The following STIM2 variants were observed in gnomAD, a reference collection of about 807,000 sequenced individuals.
STIM2 encodes stromal interaction molecule 2.
STIM2 carries 31 observed loss-of-function variants against 85.8 expected under a neutral mutation model. The ratio of observed to expected loss-of-function variants is 0.36; its 90% CI spans 0.27 to 0.49. The LOEUF (loss-of-function observed/expected upper bound fraction) is 0.49, where lower values mean the gene tolerates loss of function less well. Among genes scored for constraint, STIM2 ranks in the 20% least tolerant of loss-of-function variants. The pLI is 0.98. For synonymous variants in STIM2, 356 were observed against 331.1 expected (o/e 1.08, Z -0.82); for missense variants, 841 against 927.6 (o/e 0.91, Z 1.21).
At chr4:26,861,581 C>A in intron 1 of STIM2, 1 of 614,708 alleles carries the variant, frequency 1.6e-6, no homozygotes, top group Non-Finnish European at 2.3e-6. Context: ...AGCCTCTCGA[C>A]GGCACTGATT....
At chr4:26,962,522 C>T (rs1041476494) in intron 3 of STIM2, among the ~76,000 whole-genome samples, 35 of 151,240 alleles carry the variant, frequency 2.3e-4, no homozygotes, top group African/African-American at 8.5e-4. Flanking sequence ...GAAGTTGATC[C>T]TGACCTCAAA....
intron 1 of STIM2, among the ~76,000 whole-genome samples, chr4:26,880,682 A>AATATATATGTAAAT (rs1560192606): frequency 4.9e-5 from 7 of 142,598 alleles, no homozygotes; most frequent in African/African-American, 1.6e-4. Context: ...TATATATGTA[A>AATATATATGTAAAT]ATATATATAT....
intron 1 of STIM2, among the ~76,000 whole-genome samples, chr4:26,862,788 A>C (rs1232722086): frequency 6.6e-6 from 1 of 152,196 alleles, no homozygotes; most frequent in Non-Finnish European, 1.5e-5. Context: ...TTTATGCTTG[A>C]ATAGTATTTA....
chr4:27,018,767 A>G (rs1728819108), intron 11 of STIM2, among the ~76,000 whole-genome samples: 1 of 152,230 alleles, frequency 6.6e-6, no homozygotes, highest in South Asian at 2.1e-4. Context: ...CTTGTCATGA[A>G]CAATTTTATA....
Position 26,918,967 on chromosome 4 carries a change from G to A in STIM2, c.152-537G>A, listed in dbSNP as rs569493105. Among the ~76,000 whole-genome samples the A allele has an allele frequency of 3.3e-5, 5 of 152,152 alleles. No individual in the cohort carries two copies. In the South Asian group the frequency reaches 1.0e-3, roughly 32 times the overall value. ...TACGTATTTTGAAAAAAGCTATATG[G>A]GTAGACTCTTGGATTATCTTAAATA... On this transcript the variant is annotated intron_variant, in intron 1 of 11. Coordinates refer to ENST00000467087, the MANE Select transcript of STIM2 (RefSeq NM_020860.4).
intron 1 of STIM2, among the ~76,000 whole-genome samples, chr4:26,877,919 A>G (rs539184706): frequency 1.6e-4 from 24 of 152,308 alleles, no homozygotes; most frequent in Admixed American, 1.2e-3. Context: ...TAGGGCAAGC[A>G]TGGCTCCCTT....
At chr4:26,977,500 G>A (rs1339609947) in intron 3 of STIM2, among the ~76,000 whole-genome samples, 1 of 152,204 alleles carries the variant, frequency 6.6e-6, no homozygotes, top group Non-Finnish European at 1.5e-5. Flanking sequence ...AGGAGTAGAA[G>A]TAGAAGACCT....
chr4:26,995,133 A>C (rs1727906960), intron 3 of STIM2, among the ~76,000 whole-genome samples: 1 of 152,126 alleles, frequency 6.6e-6, no homozygotes, highest in South Asian at 2.1e-4. Flanking sequence ...TCATTCTTAC[A>C]AACTTGTATA....
intron 3 of STIM2, among the ~76,000 whole-genome samples, chr4:26,993,017 AT>A (rs1727819465): frequency 6.6e-6 from 1 of 152,002 alleles, no homozygotes; most frequent in African/African-American, 2.4e-5. Context: ...AAATTGTGGG[AT>A]GACTTTGATG....
chr4:26,877,404 C>T (rs1240066797), intron 1 of STIM2, among the ~76,000 whole-genome samples: 1 of 152,028 alleles, frequency 6.6e-6, no homozygotes, highest in African/African-American at 2.4e-5. Context: ...TTTTCCTTTA[C>T]CTTTTTTAAC....
chr4:26,886,664 AATAG>A (rs1277766505), intron 1 of STIM2, among the ~76,000 whole-genome samples: 3 of 152,138 alleles, frequency 2.0e-5, no homozygotes, highest in African/African-American at 4.8e-5. Context: ...TGGAGAGAGT[AATAG>A]ATAGATCAGA....
intron 2 of STIM2, among the ~76,000 whole-genome samples, chr4:26,951,115 C>T (rs909130377): frequency 1.3e-5 from 2 of 152,016 alleles, no homozygotes; most frequent in Non-Finnish European, 2.9e-5. Context: ...ATGTTTATTA[C>T]TGGTGGGCAG....
intron 2 of STIM2, among the ~76,000 whole-genome samples, chr4:26,955,684 A>AT (rs1374831269): frequency 2.0e-5 from 3 of 148,266 alleles, no homozygotes; most frequent in African/African-American, 5.1e-5. Context: ...GATTACATAG[A>AT]TTTTTTTAGT....
At chr4:26,909,363 A>G (rs1480063507) in intron 1 of STIM2, among the ~76,000 whole-genome samples, 1 of 152,232 alleles carries the variant, frequency 6.6e-6, no homozygotes, top group Non-Finnish European at 1.5e-5. Context: ...TGAGGAAATT[A>G]AGGCAAAGTA....
rs71643700 is a variant in STIM2, at chr4:26,891,558, TACACACACACAC to T, written c.152-27917_152-27906del. Among the ~76,000 whole-genome samples, 1,040 of 144,636 alleles carry T rather than the reference TACACACACACAC, an allele frequency of 7.2e-3. 8 individuals carry two copies. Among genetic ancestry groups the T allele is most frequent in the East Asian group, 0.032 (159 of 5,008 alleles). The allele number at this position is 144,636 out of a possible 152,430, so 94.9% of individuals were successfully genotyped here. A position where few individuals can be genotyped will look rare whatever the true frequency, so the allele number is the denominator to read the frequency against. On this transcript the variant is annotated intron_variant, in intron 1 of 11. Transcript: ENST00000467087. The stretch of plus-strand genomic sequence containing the variant: ...ATATAAAGATATGTGTATACATACA[TACACACACACAC>T]ACACACACACACACACACACACACA...
At chr4:26,873,689 CT>C (rs1428093230) in intron 1 of STIM2, 10 of 779,724 alleles carry the variant, frequency 1.3e-5, no homozygotes, top group Non-Finnish European at 2.0e-5. Context: ...GCCATAATGG[CT>C]TCATCCAGCT....
At chr4:27,018,837 C>A (rs1330899730) in intron 11 of STIM2, among the ~76,000 whole-genome samples, 2 of 152,180 alleles carry the variant, frequency 1.3e-5, no homozygotes, top group African/African-American at 4.8e-5. Flanking sequence ...TCGGATATGA[C>A]TGACTTAAAA....
intron 1 of STIM2, among the ~76,000 whole-genome samples, chr4:26,863,589 G>A (rs1237884949): frequency 2.0e-5 from 3 of 152,062 alleles, no homozygotes; most frequent in Non-Finnish European, 4.4e-5. Flanking sequence ...GTTATGCAAA[G>A]CCTAGAACCT....
intron 1 of STIM2, among the ~76,000 whole-genome samples, chr4:26,871,705 T>C (rs940849999): frequency 2.6e-4 from 11 of 42,318 alleles, no homozygotes; most frequent in Non-Finnish European, 3.8e-4. Flanking sequence ...GTTTTCACCC[T>C]TTTTTTTTTT....
Sources: allele counts gnomAD v4.1 joint callset (sites outside exome capture counted in the v4.1 genomes callset), GRCh38; gene constraint gnomAD v4.1.1; transcripts MANE v1.5; gene names NCBI Gene and HGNC (gene_info 2026-07-23, HGNC 2026-07-21).